The following GRIK2 variants were observed in gnomAD, a reference collection of about 807,000 sequenced individuals.
GRIK2 encodes the protein glutamate ionotropic receptor kainate type subunit 2.
GRIK2 carries 32 observed loss-of-function variants against 100.3 expected under a neutral mutation model. The ratio of observed to expected loss-of-function variants is 0.32; its 90% CI spans 0.24 to 0.43. The LOEUF (loss-of-function observed/expected upper bound fraction) is 0.43. Among genes scored for constraint, GRIK2 ranks in the 20% least tolerant of loss-of-function variants. The probability of loss-of-function intolerance (pLI) is 1.00; values close to 1 mark genes in which losing one functional copy is unlikely to be tolerated. For synonymous variants in GRIK2, 417 were observed against 389.4 expected, an observed-to-expected ratio of 1.07 and a Z score of -0.83; for missense variants, 843 against 1,114.9, an observed-to-expected ratio of 0.76 and a Z score of 3.47.
chr6:101,965,562 A>G (rs1212229986), intron 14 of GRIK2, among the ~76,000 whole-genome samples: 1 of 152,214 alleles, frequency 6.6e-6, no homozygotes, highest in Non-Finnish European at 1.5e-5. Flanking sequence ...TTATTTTTGT[A>G]ATAATTTATG....
chr6:101,786,724 T>C (rs1779445693), intron 7 of GRIK2, among the ~76,000 whole-genome samples: 1 of 152,112 alleles, frequency 6.6e-6, no homozygotes, highest in Non-Finnish European at 1.5e-5. Context: ...ACATCTATGT[T>C]CACCAGGGAT....
rs142909078 is a variant in GRIK2 at position 101,411,138 on chromosome 6, C to A, written c.115+11746C>A. Among the ~76,000 whole-genome samples the A allele has an allele frequency of 5.9e-3, 895 of 152,160 alleles. 5 individuals are homozygous for A. Among genetic ancestry groups the A allele is most frequent in the Non-Finnish European group, 9.3e-3 (632 of 67,948 alleles). On this transcript the variant is annotated intron_variant, in intron 2 of 16. Coordinates refer to ENST00000369134, the MANE Select transcript of GRIK2 (RefSeq NM_021956.5). ...TGGGTTGATCACTCAGGAAGACTTCCTGGAGATTAGGGGTGATCTTCCAAT... is the reference window on the plus strand; with the variant it reads ...TGGGTTGATCACTCAGGAAGACTTCATGGAGATTAGGGGTGATCTTCCAAT...
At chr6:102,008,447 G>A (rs1157840951) in intron 14 of GRIK2, among the ~76,000 whole-genome samples, 6 of 152,008 alleles carry the variant, frequency 3.9e-5, no homozygotes, top group Non-Finnish European at 1.5e-5. Flanking sequence ...TAGTAACAAA[G>A]TATTTCAATG....
At chr6:101,575,368 T>G (rs146321872) in intron 2 of GRIK2, among the ~76,000 whole-genome samples, 19 of 152,072 alleles carry the variant, frequency 1.2e-4, no homozygotes, top group Middle Eastern at 3.4e-3. Flanking sequence ...AAATTAGACA[T>G]TACTTTCTGA....
chr6:102,054,812 A>G (rs915092692), intron 15 of GRIK2, among the ~76,000 whole-genome samples: 2 of 152,150 alleles, frequency 1.3e-5, no homozygotes, highest in Non-Finnish European at 2.9e-5. Flanking sequence ...CACATCACAT[A>G]ACAGATACTA....
intron 8 of GRIK2, among the ~76,000 whole-genome samples, chr6:101,799,996 A>G (rs1780572608): frequency 6.6e-6 from 1 of 152,148 alleles, no homozygotes; most frequent in Admixed American, 6.6e-5. Context: ...CAAAGTATCT[A>G]TGAGGGTTAG....
At chr6:101,524,509 ACT>A (rs1775048315) in intron 2 of GRIK2, among the ~76,000 whole-genome samples, 1 of 151,912 alleles carries the variant, frequency 6.6e-6, no homozygotes, top group African/African-American at 2.4e-5. Context: ...CTTCTAGTTC[ACT>A]CTCTGTCTTT....
intron 7 of GRIK2, among the ~76,000 whole-genome samples, chr6:101,775,663 G>A (rs1469031715): frequency 6.6e-6 from 1 of 151,502 alleles, no homozygotes; most frequent in Non-Finnish European, 1.5e-5. Context: ...GGTCTGAGCT[G>A]CTGACAGATT....
rs114079867 is a variant in GRIK2 at position 101,597,849 on chromosome 6, T to A, written c.116-24100T>A. Among the ~76,000 whole-genome samples, 1,483 of 151,844 alleles carry A rather than the reference T, an allele frequency of 9.8e-3. 32 individuals are homozygous for A. The highest frequency in any genetic ancestry group is 0.034 in the African/African-American group (1,416 of 41,504). On this transcript the variant is annotated intron_variant, in intron 2 of 16. Coordinates refer to ENST00000369134, the MANE Select transcript of GRIK2 (RefSeq NM_021956.5). ...TGTCATCAGGGCCACTCAGCCCTTT[T>A]CAACATCTTTGAGGATTCTGTCCTG... is the stretch of plus-strand genomic sequence containing the variant.
intron 7 of GRIK2, among the ~76,000 whole-genome samples, chr6:101,715,261 C>G (rs1336883348): frequency 6.6e-6 from 1 of 151,650 alleles, no homozygotes; most frequent in Non-Finnish European, 1.5e-5. Flanking sequence ...GCTATGACCC[C>G]ACATAAACAG....
intron 4 of GRIK2, among the ~76,000 whole-genome samples, chr6:101,631,728 T>C (rs1780752862): frequency 6.6e-6 from 1 of 152,066 alleles, no homozygotes; most frequent in Non-Finnish European, 1.5e-5. Context: ...AAATCTTTTA[T>C]TTTTTTCCTA....
At chr6:101,404,701 G>A (rs79458902) in intron 2 of GRIK2, among the ~76,000 whole-genome samples, 5 of 152,186 alleles carry the variant, frequency 3.3e-5, no homozygotes, top group Admixed American at 1.3e-4. Context: ...TGAAATTTAA[G>A]TGTTGATTGT....
At chr6:101,870,034 A>G (rs1785299032) in intron 11 of GRIK2, among the ~76,000 whole-genome samples, 1 of 152,012 alleles carries the variant, frequency 6.6e-6, no homozygotes, top group African/African-American at 2.4e-5. Context: ...TTATGAATTT[A>G]TGTGACAGTA....
Position 102,055,563 on chromosome 6 carries a change from A to G in GRIK2, c.2545A>G (p.Asn849Asp). The G allele has an allele frequency of 6.2e-7, 1 of 1,609,050 alleles. No individual in the cohort carries two copies. The highest frequency in any genetic ancestry group is 8.5e-7 in the Non-Finnish European group (1 of 1,175,722). Residue 849 changes from asparagine to aspartate, a missense_variant, in exon 16 of 17, where the codon AAC becomes GAC. Asn to Asp is a conservative substitution (Grantham distance 23). Coordinates refer to ENST00000369134, the MANE Select transcript of GRIK2 (RefSeq NM_021956.5). ...VGEFLYKSKK[N>D]AQLEKRSFCS... ...AGAATTTTTATACAAATCCAAAAAA[A>G]ACGCTCAATTGGAAAAGGTAAATGT...
chr6:101,707,203 A>G (rs1035671899), intron 7 of GRIK2, among the ~76,000 whole-genome samples: 2 of 151,668 alleles, frequency 1.3e-5, no homozygotes, highest in Non-Finnish European at 2.9e-5. Flanking sequence ...ATGAATAAGC[A>G]CATATTCTAA....
At chr6:101,912,608 T>C (rs1788817080) in intron 12 of GRIK2, among the ~76,000 whole-genome samples, 1 of 151,594 alleles carries the variant, frequency 6.6e-6, no homozygotes, top group Non-Finnish European at 1.5e-5. Context: ...TTATTGTGCC[T>C]ACTCCTCAGT....
intron 14 of GRIK2, among the ~76,000 whole-genome samples, chr6:101,961,997 T>C (rs993508855): frequency 6.6e-6 from 1 of 152,144 alleles, no homozygotes; most frequent in Non-Finnish European, 1.5e-5. Flanking sequence ...CCTAGTGCTT[T>C]GCCCTCAAGA....
chr6:101,854,605 A>G (rs1784325575), intron 10 of GRIK2, among the ~76,000 whole-genome samples: 1 of 152,134 alleles, frequency 6.6e-6, no homozygotes, highest in South Asian at 2.1e-4. Flanking sequence ...ATTATTGGGA[A>G]GCTGAAATAA....
At chr6:101,490,939 A>G (rs1773070116) in intron 2 of GRIK2, among the ~76,000 whole-genome samples, 1 of 137,998 alleles carries the variant, frequency 7.2e-6, no homozygotes, top group African/African-American at 2.8e-5. Flanking sequence ...ATGCGTGCAC[A>G]TACACACACA....
Sources: allele counts gnomAD v4.1 joint callset (sites outside exome capture counted in the v4.1 genomes callset), GRCh38; gene constraint gnomAD v4.1.1; transcripts MANE v1.5; gene names NCBI Gene and HGNC (gene_info 2026-07-23, HGNC 2026-07-21).